CENPVL3: variants seen among roughly 807,000 people sequenced by gnomAD.
The protein encoded by CENPVL3 is centromere protein V-like protein 3.
rs1922305505 is a variant in CENPVL3, at chrX:51,617,419, C to T, written c.*636G>A. The T allele has an allele frequency of 8.9e-6, 1 of 111,958 alleles. No homozygotes were observed. Among genetic ancestry groups the T allele is most frequent in the Non-Finnish European group, 1.9e-5 (1 of 53,297 alleles). The allele number at this position is 111,958 out of a possible 1,213,427, so 9.2% of individuals were successfully genotyped here. On this transcript the variant is annotated 3_prime_UTR_variant, in exon 1 of 1. Transcript: ENST00000417339. The stretch of plus-strand genomic sequence containing the variant: ...CGTTTCTCATTCCTATCTCCCATCT[C>T]CTTTCCCAGAGACAGTTTCTAAAAC...
rs1557340089 is a variant in CENPVL3 at position 51,617,586 on chromosome X, C to T, written c.*469G>A. ...AACGTGAATGTCTATCTAAAACACA[C>T]ACGTCGCACACACACGATAATGAAT... On this transcript the variant is annotated 3_prime_UTR_variant, in exon 1 of 1. Coordinates refer to ENST00000417339, the MANE Select transcript of CENPVL3 (RefSeq NM_001355276.2). 1 of 117,754 alleles carries T rather than the reference C, an allele frequency of 8.5e-6. No homozygotes were observed. Among genetic ancestry groups the T allele is most frequent in the Non-Finnish European group, 1.7e-5 (1 of 57,325 alleles). The allele number at this position is 117,754 out of a possible 1,213,427, so 9.7% of individuals were successfully genotyped here.
At position 51,618,896 on chromosome X, in the gene CENPVL3, C is replaced by G; in HGVS notation, c.-23G>C. Reference sequence around the variant, plus strand: ...CATGGCGCCTGCAGCCTCCGGAGCGCGTGCCCAGCCCGCTACCCCCATTTT... The same window carrying G: ...CATGGCGCCTGCAGCCTCCGGAGCGGGTGCCCAGCCCGCTACCCCCATTTT... On this transcript the variant is annotated 5_prime_UTR_variant, in exon 1 of 1. Coordinates refer to ENST00000417339, the MANE Select transcript of CENPVL3 (RefSeq NM_001355276.2). 1 of 297,944 alleles carries G rather than the reference C, an allele frequency of 3.4e-6. No homozygotes were observed. Among genetic ancestry groups the G allele is most frequent in the Non-Finnish European group, 5.9e-6 (1 of 170,357 alleles). The allele number at this position is 297,944 out of a possible 1,213,427, so 24.6% of individuals were successfully genotyped here.
In CENPVL3 at chrX:51,618,680, C is replaced by A. The variant is rs1295041683; in HGVS notation, c.194G>T (p.Arg65Leu). Residue 65 changes from arginine (R) to leucine (L), a missense_variant, in exon 1 of 1, where the codon CGG becomes CTG. Arg to Leu is a moderately radical substitution (Grantham distance 102, BLOSUM62 -2). Transcript: ENST00000417339. ...TCTGGAGCCCGCCTCCCGGGCCCGCCGCCACCGGCGCTTCCGCCGCAACTT... is the reference window on the plus strand; with the variant it reads ...TCTGGAGCCCGCCTCCCGGGCCCGCAGCCACCGGCGCTTCCGCCGCAACTT... ...LGKLRRKRRW[R>L]RAREAGSRDP... The A allele has an allele frequency of 3.4e-6, 1 of 296,693 alleles. No homozygotes were observed. Among genetic ancestry groups the A allele is most frequent in the Non-Finnish European group, 5.9e-6 (1 of 169,856 alleles). 24.5% of individuals were successfully genotyped at this position (296,693 alleles called of 1,213,427 possible). A position where few individuals can be genotyped will look rare whatever the true frequency, so the allele number is the denominator to read the frequency against.
At position 51,618,606 on chromosome X, in the gene CENPVL3, A is replaced by C. The variant is rs1484623779; in HGVS notation, c.268T>G (p.Ser90Ala). Residue 90 changes from serine to alanine, a missense_variant, in exon 1 of 1, where the codon TCC (serine) becomes GCC (alanine). Ser to Ala is a moderately conservative substitution (Grantham distance 99, BLOSUM62 1). Transcript: ENST00000417339. ...PLPDPPAPAE[S>A]PKELDLGAQR... ...GCGCCCAGGTCCAGCTCCTTAGGGG[A>C]CTCGGCGGGCGCCGGCGGGTCCGGG... is the stretch of plus-strand genomic sequence containing the variant. The C allele has an allele frequency of 1.4e-5, 4 of 296,278 alleles. No individual in the cohort carries two copies. Among genetic ancestry groups the C allele is most frequent in the African/African-American group, 2.7e-5 (1 of 36,679 alleles). The allele number at this position is 296,278 out of a possible 1,213,427, so 24.4% of individuals were successfully genotyped here.
At position 51,617,356 on chromosome X, in the gene CENPVL3, G is replaced by A. The variant is rs985470786; in HGVS notation, c.*699C>T. On this transcript the variant is annotated 3_prime_UTR_variant, in exon 1 of 1. Transcript: ENST00000417339. ...GAATACTTACACATGTATAAGATAGGTATTTAGAAAGATTAAAGAGGGCAT... is the reference window on the plus strand; with the variant it reads ...GAATACTTACACATGTATAAGATAGATATTTAGAAAGATTAAAGAGGGCAT... The A allele has an allele frequency of 3.6e-5, 4 of 111,401 alleles. No homozygotes were observed. The highest frequency in any genetic ancestry group is 1.3e-4 in the African/African-American group (4 of 30,573). The allele number at this position is 111,401 out of a possible 1,213,427, so 9.2% of individuals were successfully genotyped here.
chrX:51,618,830 C>A lies in CENPVL3; in HGVS notation c.44G>T (p.Arg15Leu), dbSNP rs1922344363. The A allele has an allele frequency of 6.7e-6, 2 of 296,882 alleles. No homozygotes were observed. The highest frequency in any genetic ancestry group is 1.2e-5 in the Non-Finnish European group (2 of 170,017). The allele number at this position is 296,882 out of a possible 1,213,427, so 24.5% of individuals were successfully genotyped here. ...RNRATAQRRRRKRPGDPPAAC... is the reference protein window; with the variant it reads ...RNRATAQRRRLKRPGDPPAAC... ...GGCGGGAGGATCCCCGGGCCGCTTTCGCCTCCGCCGCTGAGCAGTGGCGCG... is the reference window on the plus strand; with the variant it reads ...GGCGGGAGGATCCCCGGGCCGCTTTAGCCTCCGCCGCTGAGCAGTGGCGCG... Residue 15 changes from arginine to leucine, a missense_variant, in exon 1 of 1, where the codon CGA becomes CTA. By Grantham distance (102) the Arg-to-Leu change is moderately radical. Coordinates refer to ENST00000417339, the MANE Select transcript of CENPVL3 (RefSeq NM_001355276.2).
rs1447017376 is a variant in CENPVL3, at chrX:51,617,060, G to A, written c.*995C>T. On this transcript the variant is annotated 3_prime_UTR_variant, in exon 1 of 1. Coordinates refer to ENST00000417339, the MANE Select transcript of CENPVL3 (RefSeq NM_001355276.2). ...AGAACAATGCAGACATTTATTAGAA[G>A]TTTGCTCCTTTGAAATATTATTATT... 8.9e-6 allele frequency: 1 copy of A among 111,782 alleles called. No individual in the cohort carries two copies. Among genetic ancestry groups the A allele is most frequent in the East Asian group, 2.8e-4 (1 of 3,576 alleles). 9.2% of individuals were successfully genotyped at this position (111,782 alleles called of 1,213,427 possible). A position where few individuals can be genotyped will look rare whatever the true frequency, so the allele number is the denominator to read the frequency against.
In CENPVL3 at chrX:51,618,614, G is replaced by A; in HGVS notation, c.260C>T (p.Pro87Leu). ...GTCCAGCTCCTTAGGGGACTCGGCG[G>A]GCGCCGGCGGGTCCGGGAGTGGCGC... ...PSAPLPDPPA[P>L]AESPKELDLG... is the part of the protein sequence containing the mutation. The change falls in exon 1 of 1, where the codon CCC (proline) becomes CTC (leucine). Residue 87 changes from proline to leucine, a missense_variant. Coordinates refer to ENST00000417339, the MANE Select transcript of CENPVL3 (RefSeq NM_001355276.2). 1 of 297,660 alleles carries A rather than the reference G, an allele frequency of 3.4e-6. No individual in the cohort carries two copies. Among genetic ancestry groups the A allele is most frequent in the South Asian group, 2.0e-4 (1 of 5,086 alleles). The allele number at this position is 297,660 out of a possible 1,213,427, so 24.5% of individuals were successfully genotyped here.
chrX:51,618,598 C>T lies in CENPVL3; in HGVS notation c.276G>A (p.Lys92=). 2 of 296,982 alleles carry T rather than the reference C, an allele frequency of 6.7e-6. No homozygotes were observed. Among genetic ancestry groups the T allele is most frequent in the Non-Finnish European group, 1.2e-5 (2 of 170,073 alleles). 24.5% of individuals were successfully genotyped at this position (296,982 alleles called of 1,213,427 possible). ...PDPPAPAESP[K]ELDLGAQRER... is the part of the protein sequence containing the mutation. Reference sequence around the variant, plus strand: ...CCCGCTGTGCGCCCAGGTCCAGCTCCTTAGGGGACTCGGCGGGCGCCGGCG... The same window carrying T: ...CCCGCTGTGCGCCCAGGTCCAGCTCTTTAGGGGACTCGGCGGGCGCCGGCG... Residue 92 remains lysine, a synonymous_variant, in exon 1 of 1, where the codon AAG becomes AAA. Transcript: ENST00000417339.
rs868961338 is a variant in CENPVL3, at chrX:51,618,890, G to A, written c.-17C>T. On this transcript the variant is annotated 5_prime_UTR_variant, in exon 1 of 1. Transcript: ENST00000417339. ...TCTGCCCATGGCGCCTGCAGCCTCC[G>A]GAGCGCGTGCCCAGCCCGCTACCCC... 4 of 296,757 alleles carry A rather than the reference G, an allele frequency of 1.3e-5. No homozygotes were observed. The highest frequency in any genetic ancestry group is 5.4e-5 in the African/African-American group (2 of 36,749). 24.5% of individuals were successfully genotyped at this position (296,757 alleles called of 1,213,427 possible). A position where few individuals can be genotyped will look rare whatever the true frequency, so the allele number is the denominator to read the frequency against.
rs1160255642 is a variant in CENPVL3, at chrX:51,617,862, C to T, written c.*193G>A. 3.6e-6 allele frequency: 1 copy of T among 275,694 alleles called. No individual in the cohort carries two copies. Among genetic ancestry groups the T allele is most frequent in the African/African-American group, 3.0e-5 (1 of 33,166 alleles). The allele number at this position is 275,694 out of a possible 1,213,427, so 22.7% of individuals were successfully genotyped here. A position where few individuals can be genotyped will look rare whatever the true frequency, so the allele number is the denominator to read the frequency against. On this transcript the variant is annotated 3_prime_UTR_variant, in exon 1 of 1. Coordinates refer to ENST00000417339, the MANE Select transcript of CENPVL3 (RefSeq NM_001355276.2). ...CAAGATTAACGTTGTACTACGCAGA[C>T]AAAGGTGTGTTCAAGATTTGGATCG...
In CENPVL3 at chrX:51,618,589, G is replaced by A. The variant is rs1557340179; in HGVS notation, c.285C>T (p.Asp95=). 4 of 296,959 alleles carry A rather than the reference G, an allele frequency of 1.3e-5. No individual in the cohort carries two copies. Among genetic ancestry groups the A allele is most frequent in the Non-Finnish European group, 2.4e-5 (4 of 170,117 alleles). The allele number at this position is 296,959 out of a possible 1,213,427, so 24.5% of individuals were successfully genotyped here. A position where few individuals can be genotyped will look rare whatever the true frequency, so the allele number is the denominator to read the frequency against. ...CCCAGCGCTCCCGCTGTGCGCCCAG[G>A]TCCAGCTCCTTAGGGGACTCGGCGG... ...PAPAESPKEL[D]LGAQRERWET... is the part of the protein sequence containing the mutation. The change falls in exon 1 of 1, where the codon GAC becomes GAT. Residue 95 remains aspartate, a synonymous_variant. Transcript: ENST00000417339.
Position 51,618,835 on chromosome X carries a change from C to G in CENPVL3, c.39G>C (p.Arg13=). ...GAGGATCCCCGGGCCGCTTTCGCCT[C>G]CGCCGCTGAGCAGTGGCGCGGTTCC... The part of the protein sequence containing the change: ...RVRNRATAQR[R]RRKRPGDPPA... The change falls in exon 1 of 1, where the codon CGG becomes CGC. Residue 13 remains arginine (R), a synonymous_variant. Coordinates refer to ENST00000417339, the MANE Select transcript of CENPVL3 (RefSeq NM_001355276.2). 3.4e-6 allele frequency: 1 copy of G among 297,946 alleles called. No individual in the cohort carries two copies. Among genetic ancestry groups the G allele is most frequent in the Non-Finnish European group, 5.9e-6 (1 of 170,228 alleles). 24.6% of individuals were successfully genotyped at this position (297,946 alleles called of 1,213,427 possible).
rs1445155535 is a variant in CENPVL3 at position 51,617,551 on chromosome X, A to C, written c.*504T>G. On this transcript the variant is annotated 3_prime_UTR_variant, in exon 1 of 1. Transcript: ENST00000417339. ...ATAAAAAACACTAGATAACTGGACT[A>C]AGTAGTGCAAACGTGAATGTCTATC... 2 of 114,416 alleles carry C rather than the reference A, an allele frequency of 1.7e-5. No individual in the cohort carries two copies. The highest frequency in any genetic ancestry group is 3.6e-5 in the Non-Finnish European group (2 of 54,854). 9.4% of individuals were successfully genotyped at this position (114,416 alleles called of 1,213,427 possible). A position where few individuals can be genotyped will look rare whatever the true frequency, so the allele number is the denominator to read the frequency against.
In CENPVL3 at chrX:51,618,894, C is replaced by T. The variant is rs1348603381; in HGVS notation, c.-21G>A. Reference sequence around the variant, plus strand: ...CCCATGGCGCCTGCAGCCTCCGGAGCGCGTGCCCAGCCCGCTACCCCCATT... The same window carrying T: ...CCCATGGCGCCTGCAGCCTCCGGAGTGCGTGCCCAGCCCGCTACCCCCATT... On this transcript the variant is annotated 5_prime_UTR_variant, in exon 1 of 1. Coordinates refer to ENST00000417339, the MANE Select transcript of CENPVL3 (RefSeq NM_001355276.2). 6 of 296,792 alleles carry T rather than the reference C, an allele frequency of 2.0e-5. No individual in the cohort carries two copies. Among genetic ancestry groups the T allele is most frequent in the Admixed American group, 6.1e-5 (1 of 16,460 alleles). 24.5% of individuals were successfully genotyped at this position (296,792 alleles called of 1,213,427 possible). A position where few individuals can be genotyped will look rare whatever the true frequency, so the allele number is the denominator to read the frequency against.
chrX:51,618,714 A>G lies in CENPVL3; in HGVS notation c.160T>C (p.Trp54Arg), dbSNP rs1372145883. The G allele has an allele frequency of 2.7e-5, 8 of 295,580 alleles. No individual in the cohort carries two copies. The Admixed American group carries it at 4.9e-4, about 18-fold the overall frequency. 24.4% of individuals were successfully genotyped at this position (295,580 alleles called of 1,213,427 possible). ...CGCTTCCGCCGCAACTTTCCCAGCC[A>G]CCTCTTGGCCGCCGCGTGGCTCCCG... is the stretch of plus-strand genomic sequence containing the variant. Reference protein sequence around the residue: ...GVGSHAAAKRWLGKLRRKRRW... With the variant: ...GVGSHAAAKRRLGKLRRKRRW... The change falls in exon 1 of 1, where the codon TGG becomes CGG. Residue 54 changes from tryptophan to arginine, a missense_variant. Trp to Arg is a moderately radical substitution (Grantham distance 101). Transcript: ENST00000417339.
At position 51,618,389 on chromosome X, in the gene CENPVL3, C is replaced by G. The variant is rs1433057651; in HGVS notation, c.485G>C (p.Cys162Ser). 6 of 276,301 alleles carry G rather than the reference C, an allele frequency of 2.2e-5. No individual in the cohort carries two copies. Among genetic ancestry groups the G allele is most frequent in the Middle Eastern group, 9.1e-4 (1 of 1,099 alleles). 22.8% of individuals were successfully genotyped at this position (276,301 alleles called of 1,213,427 possible). A position where few individuals can be genotyped will look rare whatever the true frequency, so the allele number is the denominator to read the frequency against. ...LRVVDCSCRL[C>S]RKKQHRHFLV... ...GAAGTGGCGGTGCTGCTTCTTCCTG[C>G]ACAGCCTGCAGCTGCAATCCACGAC... Residue 162 changes from cysteine (C) to serine (S), a missense_variant, in exon 1 of 1, where the codon TGC (cysteine) becomes TCC (serine). Coordinates refer to ENST00000417339, the MANE Select transcript of CENPVL3 (RefSeq NM_001355276.2).
At position 51,618,840 on chromosome X, in the gene CENPVL3, G is replaced by A; in HGVS notation, c.34C>T (p.Arg12Trp). 3.4e-6 allele frequency: 1 copy of A among 297,896 alleles called. No individual in the cohort carries two copies. Among genetic ancestry groups the A allele is most frequent in the Non-Finnish European group, 5.9e-6 (1 of 170,211 alleles). 24.5% of individuals were successfully genotyped at this position (297,896 alleles called of 1,213,427 possible). ...GRVRNRATAQ[R>W]RRRKRPGDPP... ...TCCCCGGGCCGCTTTCGCCTCCGCCGCTGAGCAGTGGCGCGGTTCCTCACT... is the reference window on the plus strand; with the variant it reads ...TCCCCGGGCCGCTTTCGCCTCCGCCACTGAGCAGTGGCGCGGTTCCTCACT... The change falls in exon 1 of 1, where the codon CGG becomes TGG. Residue 12 changes from arginine to tryptophan, a missense_variant. Transcript: ENST00000417339.
In CENPVL3 at chrX:51,618,687, G is replaced by C. The variant is rs1324504981; in HGVS notation, c.187C>G (p.Arg63Gly). The C allele has an allele frequency of 3.4e-6, 1 of 296,683 alleles. No homozygotes were observed. Among genetic ancestry groups the C allele is most frequent in the Non-Finnish European group, 5.9e-6 (1 of 169,838 alleles). The allele number at this position is 296,683 out of a possible 1,213,427, so 24.5% of individuals were successfully genotyped here. The change falls in exon 1 of 1, where the codon CGG becomes GGG. Residue 63 changes from arginine to glycine, a missense_variant. Physicochemically the swap from Arg to Gly is moderately radical, Grantham distance 125. Coordinates refer to ENST00000417339, the MANE Select transcript of CENPVL3 (RefSeq NM_001355276.2). Reference sequence around the variant, plus strand: ...CCCGCCTCCCGGGCCCGCCGCCACCGGCGCTTCCGCCGCAACTTTCCCAGC... The same window carrying C: ...CCCGCCTCCCGGGCCCGCCGCCACCCGCGCTTCCGCCGCAACTTTCCCAGC... Reference protein sequence around the residue: ...RWLGKLRRKRRWRRAREAGSR... With the variant: ...RWLGKLRRKRGWRRAREAGSR...
Sources: gnomAD v4.1 joint callset for allele counts on GRCh38, gnomAD v4.1.1 for gene constraint, MANE v1.5 for transcripts, NCBI Gene and HGNC (gene_info 2026-07-23, HGNC 2026-07-21) for gene names.